Variants in NRXN3 observed in about 807,000 individuals in gnomAD.
NRXN3 encodes neurexin III.
In NRXN3, 32 loss-of-function variants were observed where a neutral mutation model predicts 137.6. The ratio of observed to expected loss-of-function variants is 0.23; its 90% CI spans 0.18 to 0.31. The LOEUF is 0.31. Ranked by LOEUF, NRXN3 falls within the 10% of genes least tolerant of loss-of-function variation. The probability of loss-of-function intolerance (pLI) is 1.00; values close to 1 mark genes in which losing one functional copy is unlikely to be tolerated. For synonymous variants in NRXN3, 798 were observed against 784.5 expected, an observed-to-expected ratio of 1.02 and a Z score of -0.29; for missense variants, 1,574 against 2,062.5, an observed-to-expected ratio of 0.76 and a Z score of 4.59.
chr14:79,857,699 T>G (rs1418778266), intron 20 of NRXN3, among the ~76,000 whole-genome samples: 2 of 152,192 alleles, frequency 1.3e-5, no homozygotes, highest in African/African-American at 4.8e-5. Context: ...ATTTTTCATG[T>G]TTACAGTTAT....
intron 15 of NRXN3, among the ~76,000 whole-genome samples, chr14:79,036,935 A>C (rs1181435792): frequency 6.6e-6 from 1 of 152,046 alleles, no homozygotes; most frequent in African/African-American, 2.4e-5. Context: ...AGGGATAAAA[A>C]TATTTGAAAG....
At chr14:79,110,601 G>A (rs1486872884) in intron 15 of NRXN3, among the ~76,000 whole-genome samples, 3 of 152,132 alleles carry the variant, frequency 2.0e-5, no homozygotes, top group African/African-American at 7.2e-5. Flanking sequence ...TTGATGACAA[G>A]TAATATGGTC....
chr14:79,687,372 T>C (rs2098699630), intron 17 of NRXN3, among the ~76,000 whole-genome samples: 1 of 152,174 alleles, frequency 6.6e-6, no homozygotes, highest in South Asian at 2.1e-4. Context: ...TTTAGTGTCA[T>C]ATACTTTCTC....
At chr14:78,917,572 A>C (rs1479181310) in intron 10 of NRXN3, among the ~76,000 whole-genome samples, 1 of 152,252 alleles carries the variant, frequency 6.6e-6, no homozygotes, top group Non-Finnish European at 1.5e-5. Flanking sequence ...AGGCATCTAT[A>C]GCCATTTAAA....
intron 10 of NRXN3, among the ~76,000 whole-genome samples, chr14:78,879,233 G>A (rs2099121647): frequency 6.6e-6 from 1 of 152,132 alleles, no homozygotes; most frequent in South Asian, 2.1e-4. Flanking sequence ...CCCTGTATCA[G>A]GATCACTGGA....
intron 9 of NRXN3, among the ~76,000 whole-genome samples, chr14:78,805,608 A>AG (rs1296335047): frequency 6.6e-6 from 1 of 151,704 alleles, no homozygotes; most frequent in East Asian, 1.9e-4. Context: ...CAGAAAAAAA[A>AG]AAAAAACAGA....
intron 10 of NRXN3, among the ~76,000 whole-genome samples, chr14:78,898,838 C>T (rs919773): frequency 0.049 from 7,455 of 151,846 alleles, 645 homozygotes; most frequent in East Asian, 0.4. Flanking sequence ...CATAGGCATT[C>T]TCAACCATCA....
intron 15 of NRXN3, among the ~76,000 whole-genome samples, chr14:79,166,248 T>G (rs1246198383): frequency 6.6e-6 from 1 of 151,762 alleles, no homozygotes; most frequent in Non-Finnish European, 1.5e-5. Context: ...AATTCTGGAG[T>G]AGTTAAAAAG....
At chr14:79,335,421 A>G (rs1456011616) in intron 15 of NRXN3, among the ~76,000 whole-genome samples, 1 of 151,974 alleles carries the variant, frequency 6.6e-6, no homozygotes, top group Non-Finnish European at 1.5e-5. Context: ...ACAACAGAAA[A>G]TCCTGAATTT....
chr14:78,916,371 T>C (rs974272039), intron 10 of NRXN3, among the ~76,000 whole-genome samples: 1 of 152,156 alleles, frequency 6.6e-6, no homozygotes, highest in Non-Finnish European at 1.5e-5. Context: ...CCAAGACAGT[T>C]AATGCAGAGT....
chr14:79,852,556 C>T (rs558436736), intron 20 of NRXN3, among the ~76,000 whole-genome samples: 1 of 152,238 alleles, frequency 6.6e-6, no homozygotes, highest in East Asian at 1.9e-4. Flanking sequence ...TAAATGTCTA[C>T]TTACGACGTA....
chr14:78,756,120 A>G (rs1323085767), intron 8 of NRXN3, among the ~76,000 whole-genome samples: 3 of 152,340 alleles, frequency 2.0e-5, no homozygotes, highest in East Asian at 1.9e-4. Flanking sequence ...GGGCTTCCCT[A>G]GACAATGTTT....
intron 4 of NRXN3, among the ~76,000 whole-genome samples, chr14:78,551,529 C>G (rs1202318484): frequency 3.3e-5 from 5 of 151,946 alleles, no homozygotes; most frequent in East Asian, 3.9e-4. Context: ...CTTTCTCCCC[C>G]CTTCTCTAGT....
At chr14:78,335,910 C>A (rs1257138673) in intron 4 of NRXN3, among the ~76,000 whole-genome samples, 1 of 152,184 alleles carries the variant, frequency 6.6e-6, no homozygotes, top group African/African-American at 2.4e-5. Context: ...GTAACCAGAA[C>A]CCTAACTCTG....
chr14:78,636,506 A>G (rs1372919912), intron 4 of NRXN3, among the ~76,000 whole-genome samples: 1 of 152,114 alleles, frequency 6.6e-6, no homozygotes, highest in Non-Finnish European at 1.5e-5. Flanking sequence ...AGGAGAATGA[A>G]TAAAGGAGAC....
intron 16 of NRXN3, among the ~76,000 whole-genome samples, chr14:79,563,208 AG>A (rs1176840824): frequency 6.6e-6 from 1 of 152,188 alleles, no homozygotes; most frequent in Non-Finnish European, 1.5e-5. Context: ...TATTAGAGCG[AG>A]GATCTAGTGT....
intron 15 of NRXN3, among the ~76,000 whole-genome samples, chr14:79,204,367 G>T (rs1568597033): frequency 6.6e-6 from 1 of 151,292 alleles, no homozygotes; most frequent in Non-Finnish European, 1.5e-5. Context: ...GCCTCATATG[G>T]TAACAGTTAC....
At chr14:78,280,112 T>A (rs1190093776) in intron 3 of NRXN3, among the ~76,000 whole-genome samples, 1 of 152,196 alleles carries the variant, frequency 6.6e-6, no homozygotes, top group Non-Finnish European at 1.5e-5. Context: ...AGTCAACAAA[T>A]ATTTATGTTC....
intron 15 of NRXN3, among the ~76,000 whole-genome samples, chr14:79,380,146 CTTCTTTTTTTTTT>C (rs1423413051): frequency 1.1e-4 from 5 of 46,668 alleles, no homozygotes; most frequent in Non-Finnish European, 4.9e-5. Context: ...AGATATACTT[CTTCTTTTTTTTTT>C]TTTTTTTTGG....
Sources: allele counts gnomAD v4.1 joint callset (sites outside exome capture counted in the v4.1 genomes callset), GRCh38; gene constraint gnomAD v4.1.1; transcripts MANE v1.5; gene names NCBI Gene and HGNC (gene_info 2026-07-23, HGNC 2026-07-21).